Variants in C5 observed in about 807,000 individuals in gnomAD.
The protein encoded by C5 is complement C5.
In C5, 140 loss-of-function variants were observed where a neutral mutation model predicts 218.8. The observed-to-expected ratio is 0.64, with a 90% CI of 0.56 to 0.74. C5 has a LOEUF of 0.74. Ranked by LOEUF, C5 falls within the 30% of genes least tolerant of loss-of-function variation. C5 has a pLI of 0.00. For synonymous variants in C5, 614 were observed against 682.3 expected, an observed-to-expected ratio of 0.90 and a Z score of 1.56; for missense variants, 1,700 against 1,969.6, an observed-to-expected ratio of 0.86 and a Z score of 2.59.
At chr9:121,074,049 C>A in the C5 span, among the ~76,000 whole-genome samples, 1 of 152,066 alleles carries the variant, frequency 6.6e-6, no homozygotes, top group African/African-American at 2.4e-5. Context: ...AATACGCTGG[C>A]ATAGGGGTCT....
chr9:120,996,164 A>G (rs2047114962), intron 22 of C5, 76 bp downstream of exon 22: 1 of 1,098,488 alleles, frequency 9.1e-7, no homozygotes, highest in Middle Eastern at 2.0e-4. Flanking sequence ...TCTGAAAAAT[A>G]GTGTTTTAAG....
Position 121,040,150 on chromosome 9 carries a change from G to T in C5, c.422-2199C>A, listed in dbSNP as rs548528294. 3.3e-5 allele frequency among the ~76,000 whole-genome samples: 5 copies of T among 152,362 alleles called. 1 individual carries two copies. In the East Asian group the frequency reaches 5.8e-4, roughly 18 times the overall value. ...GAAGAGGTCAGGGAAATCAGCGAAAGCTGCCTTTAGAAGGATCTGTGATGA... is the reference window on the plus strand; with the variant it reads ...GAAGAGGTCAGGGAAATCAGCGAAATCTGCCTTTAGAAGGATCTGTGATGA... On this transcript the variant is annotated intron_variant, in intron 3 of 40. Transcript: ENST00000223642.
intron 25 of C5, among the ~76,000 whole-genome samples, chr9:120,983,579 G>C (rs1256413365): frequency 6.6e-6 from 1 of 151,866 alleles, no homozygotes; most frequent in Non-Finnish European, 1.5e-5. Flanking sequence ...TTTTAAAGAG[G>C]TAAAACCCTC....
At chr9:120,979,773 A>C (rs2046978275) in intron 28 of C5, 1 of 346,942 alleles carries the variant, frequency 2.9e-6, no homozygotes, top group Admixed American at 4.1e-5. Flanking sequence ...CTGTAGTCCC[A>C]GCTACTGAGG....
chr9:120,953,629 T>C, intron 40 of C5, 101 bp downstream of exon 40: 4 of 1,184,910 alleles, frequency 3.4e-6, no homozygotes, highest in Non-Finnish European at 5.0e-6. Context: ...AATGGTTTGT[T>C]GGTTAAGAGC....
At chr9:120,966,584 T>G (rs2046869709) in intron 33 of C5, among the ~76,000 whole-genome samples, 1 of 152,162 alleles carries the variant, frequency 6.6e-6, no homozygotes, top group South Asian at 2.1e-4. Flanking sequence ...AGAAGTTTGC[T>G]TACACTTCCC....
upstream of C5, among the ~76,000 whole-genome samples, chr9:121,053,489 C>T (rs1227801965): frequency 1.3e-5 from 2 of 152,126 alleles, no homozygotes; most frequent in Non-Finnish European, 2.9e-5. Context: ...ATAGAACCCC[C>T]CCCGAGATAG....
chr9:120,961,667 T>C, intron 36 of C5, 102 bp from the exon 37 acceptor site: 1 of 784,754 alleles, frequency 1.3e-6, no homozygotes, highest in Admixed American at 1.9e-5. Flanking sequence ...ATTGCTTATT[T>C]TAAACCCTTC....
Position 121,034,915 on chromosome 9 carries a change from C to A in C5, c.493-21G>T, listed in dbSNP as rs563448802. The A allele has an allele frequency of 3.4e-5, 42 of 1,250,514 alleles. No homozygotes were observed. In the East Asian group the frequency reaches 9.5e-4, roughly 28 times the overall value. The allele number at this position is 1,250,514 out of a possible 1,614,324, so 77.5% of individuals were successfully genotyped here. On this transcript the variant is annotated intron_variant, in intron 4 of 40. Coordinates refer to ENST00000223642, the MANE Select transcript of C5 (RefSeq NM_001735.3). ...GGATCCTGTAAATAAAAACAAACAC[C>A]CTCAAAGGCCAGAAACTACATTTTA...
the C5 span, among the ~76,000 whole-genome samples, chr9:121,064,468 G>A: frequency 6.6e-5 from 10 of 152,076 alleles, no homozygotes; most frequent in African/African-American, 2.4e-4. Context: ...CAAGATTTCA[G>A]TATTTCATCT....
chr9:121,007,083 G>A, intron 18 of C5, 106 bp from the exon 19 acceptor site: 1 of 795,068 alleles, frequency 1.3e-6, no homozygotes, highest in South Asian at 1.4e-5. Flanking sequence ...TTTAGAGAAA[G>A]AAAAAAATTC....
At chr9:120,985,621 G>C (rs2047027425) in intron 25 of C5, among the ~76,000 whole-genome samples, 1 of 152,112 alleles carries the variant, frequency 6.6e-6, no homozygotes, top group Non-Finnish European at 1.5e-5. Flanking sequence ...GCATGGCAAT[G>C]AAAAGGAGTG....
rs568192993 is a variant in C5, at chr9:120,953,816, G to A, written c.4815C>T (p.Thr1605=). The change falls in exon 40 of 41, where the codon ACC becomes ACT. Residue 1605 remains threonine, a synonymous_variant. Coordinates refer to ENST00000223642, the MANE Select transcript of C5 (RefSeq NM_001735.3). The stretch of plus-strand genomic sequence containing the variant: ...CTTTTACCAGCTCAGCGTTAGTACA[G>A]GTTACCTTTTTAATGAAGGTAATCT... ...DSEITFIKKV[T]CTNAELVKGR... The A allele has an allele frequency of 1.9e-6, 3 of 1,613,894 alleles. No homozygotes were observed. The South Asian group carries it at 3.3e-5, about 18-fold the overall frequency.
the C5 span, among the ~76,000 whole-genome samples, chr9:121,068,491 A>G: frequency 6.6e-6 from 1 of 152,232 alleles, no homozygotes; most frequent in African/African-American, 2.4e-5. Context: ...GTACAAACAA[A>G]TGGAAAGACA....
intron 33 of C5, among the ~76,000 whole-genome samples, chr9:120,964,975 C>T (rs994751618): frequency 8.5e-5 from 13 of 152,130 alleles, no homozygotes; most frequent in Non-Finnish European, 1.5e-4. Flanking sequence ...CAGAGACAGA[C>T]GGAGTGTGAT....
intron 25 of C5, among the ~76,000 whole-genome samples, chr9:120,986,053 C>T (rs1428295106): frequency 6.6e-6 from 1 of 152,198 alleles, no homozygotes; most frequent in Non-Finnish European, 1.5e-5. Context: ...TAAAATCCCT[C>T]TGGCCAGCCT....
chr9:121,068,463 T>A, the C5 span, among the ~76,000 whole-genome samples: 1 of 152,048 alleles, frequency 6.6e-6, no homozygotes, highest in African/African-American at 2.4e-5. Context: ...AAAACACTGA[T>A]GGAAGAAATT....
intron 28 of C5, chr9:120,979,847 C>T (rs1389456474): frequency 8.5e-6 from 4 of 468,950 alleles, no homozygotes; most frequent in African/African-American, 3.9e-5. Context: ...CCACTGCACT[C>T]CAGCCTGGGT....
chr9:121,061,433 C>T, the C5 span, among the ~76,000 whole-genome samples: 5 of 151,858 alleles, frequency 3.3e-5, no homozygotes, highest in Admixed American at 6.6e-5. Context: ...CCTGAAACCC[C>T]GCTACTTGGG....
Sources: gnomAD v4.1 joint callset for allele counts (sites outside exome capture counted in the v4.1 genomes callset) on GRCh38, gnomAD v4.1.1 for gene constraint, MANE v1.5 for transcripts, NCBI Gene and HGNC (gene_info 2026-07-23, HGNC 2026-07-21) for gene names.